TMEM108: variants seen among roughly 807,000 people sequenced by gnomAD.
TMEM108 encodes cancer/testis antigen 124.
TMEM108 carries 12 observed loss-of-function variants against 35.1 expected under a neutral mutation model. The observed-to-expected ratio is 0.34, with a 90% CI of 0.22 to 0.55. The LOEUF is 0.55. Among genes scored for constraint, TMEM108 ranks in the 20% least tolerant of loss-of-function variants. The pLI, the probability that TMEM108 is intolerant of heterozygous loss-of-function variation, is 0.89. For missense variants in TMEM108, 680 were observed against 753.3 expected (o/e 0.90, Z 1.14); for synonymous variants, 287 against 308.6 (o/e 0.93, Z 0.73).
chr3:133,091,542 G>A (rs1943946956), intron 2 of TMEM108, among the ~76,000 whole-genome samples: 3 of 152,130 alleles, frequency 2.0e-5, no homozygotes, highest in South Asian at 2.1e-4. Context: ...TGTGATGGGT[G>A]GGATAATTTT....
At chr3:133,266,459 A>T (rs1239892418) in intron 3 of TMEM108, among the ~76,000 whole-genome samples, 2 of 152,236 alleles carry the variant, frequency 1.3e-5, no homozygotes, top group Non-Finnish European at 2.9e-5. Flanking sequence ...AAGCAAAACC[A>T]CATACAGTAG....
At chr3:133,197,082 C>T (rs1461017212) in intron 2 of TMEM108, among the ~76,000 whole-genome samples, 1 of 152,140 alleles carries the variant, frequency 6.6e-6, no homozygotes, top group East Asian at 1.9e-4. Context: ...TAAGATGATG[C>T]AGGCACACAA....
intron 2 of TMEM108, among the ~76,000 whole-genome samples, chr3:133,057,453 A>ATC (rs1559818447): frequency 6.1e-5 from 2 of 32,976 alleles, no homozygotes; most frequent in Admixed American, 4.2e-4. Flanking sequence ...ATATATATAT[A>ATC]TATATATATA....
intron 2 of TMEM108, among the ~76,000 whole-genome samples, chr3:133,185,951 A>G (rs1311986243): frequency 6.6e-6 from 1 of 151,732 alleles, no homozygotes; most frequent in African/African-American, 2.4e-5. Flanking sequence ...TATTTTTAGT[A>G]GAGACAAGGT....
intron 2 of TMEM108, among the ~76,000 whole-genome samples, chr3:133,151,741 G>A (rs1944804334): frequency 6.6e-6 from 1 of 152,018 alleles, no homozygotes; most frequent in South Asian, 2.1e-4. Flanking sequence ...TATTCAAATA[G>A]CAATAGAACC....
At chr3:133,194,379 A>G (rs1259485789) in intron 2 of TMEM108, among the ~76,000 whole-genome samples, 1 of 152,162 alleles carries the variant, frequency 6.6e-6, no homozygotes, top group Admixed American at 6.6e-5. Context: ...TTTTCTGTGG[A>G]CAGTTTTCTG....
At chr3:133,176,914 G>T (rs140739135) in intron 2 of TMEM108, among the ~76,000 whole-genome samples, 1 of 151,792 alleles carries the variant, frequency 6.6e-6, no homozygotes, top group African/African-American at 2.4e-5. Context: ...TTGATAGACC[G>T]CTAGCAAGAC....
At chr3:133,306,756 C>T (rs1052269380) in intron 3 of TMEM108, among the ~76,000 whole-genome samples, 3 of 152,002 alleles carry the variant, frequency 2.0e-5, no homozygotes, top group Non-Finnish European at 4.4e-5. Flanking sequence ...TTTTCTTAAT[C>T]CAGTCTATCA....
intron 2 of TMEM108, among the ~76,000 whole-genome samples, chr3:133,114,059 G>C (rs927786851): frequency 6.6e-6 from 1 of 152,178 alleles, no homozygotes; most frequent in African/African-American, 2.4e-5. Flanking sequence ...TAATCAAAAT[G>C]ATGTCCTTGG....
chr3:133,221,660 C>CTTTTTTTTTTTTTTTT (rs3078806), intron 2 of TMEM108, among the ~76,000 whole-genome samples: 24 of 60,352 alleles, frequency 4.0e-4, no homozygotes, highest in East Asian at 1.2e-3. Context: ...ACATTGATTC[C>CTTTTTTTTTTTTTTTT]TTTTTTTTTT....
chr3:133,104,179 C>G (rs1944122076), intron 2 of TMEM108, among the ~76,000 whole-genome samples: 1 of 152,092 alleles, frequency 6.6e-6, no homozygotes, highest in Non-Finnish European at 1.5e-5. Context: ...GATTTCTCTA[C>G]CTATAAAATG....
intron 2 of TMEM108, among the ~76,000 whole-genome samples, chr3:133,065,344 A>G (rs909552854): frequency 3.3e-5 from 5 of 152,190 alleles, no homozygotes; most frequent in African/African-American, 1.2e-4. Context: ...TCGCATATGC[A>G]GAGAGACACC....
chr3:133,057,810 T>A (rs1237606129), intron 2 of TMEM108, among the ~76,000 whole-genome samples: 1 of 152,194 alleles, frequency 6.6e-6, no homozygotes, highest in African/African-American at 2.4e-5. Flanking sequence ...CTTTTTTGAA[T>A]GGAGAGATTT....
At chr3:133,378,060 G>A (rs1287433833) in intron 3 of TMEM108, among the ~76,000 whole-genome samples, 1 of 152,170 alleles carries the variant, frequency 6.6e-6, no homozygotes, top group African/African-American at 2.4e-5. Flanking sequence ...AAGACAATTT[G>A]TCCCTGGTGC....
At chr3:133,360,472 G>A (rs1234982809) in intron 3 of TMEM108, among the ~76,000 whole-genome samples, 1 of 152,250 alleles carries the variant, frequency 6.6e-6, no homozygotes, top group Non-Finnish European at 1.5e-5. Flanking sequence ...ATTGCAGAAG[G>A]TTACTGTCAC....
In TMEM108 at chr3:133,355,375, C is replaced by T. The variant is rs185385923; in HGVS notation, c.41-24377C>T. On this transcript the variant is annotated intron_variant, in intron 3 of 5. Coordinates refer to ENST00000321871, the MANE Select transcript of TMEM108 (RefSeq NM_023943.4). The stretch of plus-strand genomic sequence containing the variant: ...TGGTCTCTGTGAGCCAGACTCATGA[C>T]GTAGTTACCATTGCCTGTGATGGGT... 6.5e-3 allele frequency among the ~76,000 whole-genome samples: 990 copies of T among 152,234 alleles called. 5 individuals carry two copies. Among genetic ancestry groups the T allele is most frequent in the Non-Finnish European group, 9.4e-3 (642 of 67,998 alleles).
At chr3:133,113,444 C>G (rs1944250152) in intron 2 of TMEM108, among the ~76,000 whole-genome samples, 1 of 152,146 alleles carries the variant, frequency 6.6e-6, no homozygotes, top group South Asian at 2.1e-4. Context: ...CACCCACCTT[C>G]TCATTTTTTA....
At chr3:133,390,393 G>A in intron 5 of TMEM108, 59 bp downstream of exon 5, 2 of 1,588,724 alleles carry the variant, frequency 1.3e-6, no homozygotes, top group Non-Finnish European at 1.7e-6. Flanking sequence ...AGAGAGCCAT[G>A]GGGCATCTGC....
At chr3:133,141,500 A>G (rs1460881397) in intron 2 of TMEM108, among the ~76,000 whole-genome samples, 1 of 152,134 alleles carries the variant, frequency 6.6e-6, no homozygotes, top group African/African-American at 2.4e-5. Flanking sequence ...AGAAAAAGTA[A>G]CCTCAGACGC....
Sources: gnomAD v4.1 joint callset for allele counts (sites outside exome capture counted in the v4.1 genomes callset) on GRCh38, gnomAD v4.1.1 for gene constraint, MANE v1.5 for transcripts, NCBI Gene and HGNC (gene_info 2026-07-23, HGNC 2026-07-21) for gene names.